The following NSD1 variants were observed in gnomAD, a reference collection of about 807,000 sequenced individuals.
NSD1 encodes histone-lysine N-methyltransferase, H3 lysine-36 specific.
Under a neutral mutation model 242.7 loss-of-function variants are expected in NSD1, and 26 were observed. The observed-to-expected ratio is 0.11, with a 90% CI of 0.08 to 0.15. The LOEUF (loss-of-function observed/expected upper bound fraction) is 0.15. Ranked by LOEUF, NSD1 falls within the 10% of genes least tolerant of loss-of-function variation. NSD1 has a pLI of 1.00. For synonymous variants in NSD1, 1,106 were observed against 1,178.1 expected, an observed-to-expected ratio of 0.94 and a Z score of 1.25; for missense variants, 2,495 against 3,272.8, an observed-to-expected ratio of 0.76 and a Z score of 5.80.
Position 177,269,902 on chromosome 5 carries a change from C to A in NSD1, c.5509+95C>A. On this transcript the variant is annotated intron_variant, in intron 16 of 22. Coordinates refer to ENST00000439151, the MANE Select transcript of NSD1 (RefSeq NM_022455.5). The surrounding 1 kb of genome is among the most constrained non-coding windows in gnomAD (Gnocchi z 5.1). ...AATTCACATATGCTCCATTTTGAAA[C>A]TGCCTTTGTCCTCTCAGGGCATTAT... The A allele has an allele frequency of 9.1e-7, 1 of 1,093,312 alleles. No individual in the cohort carries two copies. The highest frequency in any genetic ancestry group is 1.3e-6 in the Non-Finnish European group (1 of 754,998). 67.7% of individuals were successfully genotyped at this position (1,093,312 alleles called of 1,614,324 possible).
At chr5:177,159,593 ATTT>A (rs61064789) in intron 2 of NSD1, among the ~76,000 whole-genome samples, 5 of 118,564 alleles carry the variant, frequency 4.2e-5, no homozygotes, top group East Asian at 2.5e-4. Context: ...CTAAGTCTGA[ATTT>A]TTTTTTTTTT....
intron 2 of NSD1, among the ~76,000 whole-genome samples, chr5:177,141,582 A>G (rs1756829251): frequency 6.6e-6 from 1 of 151,686 alleles, no homozygotes; most frequent in African/African-American, 2.4e-5. Flanking sequence ...CACCTGCTTC[A>G]GTCTTTCAAA....
chr5:177,174,547 C>T (rs1301172247), intron 2 of NSD1, among the ~76,000 whole-genome samples: 2 of 151,254 alleles, frequency 1.3e-5, no homozygotes, highest in Non-Finnish European at 2.9e-5. Flanking sequence ...CACCATTGCC[C>T]AAAATACTTA....
At chr5:177,260,338 A>AATTTTT (rs1756890507) in intron 14 of NSD1, among the ~76,000 whole-genome samples, 170 bp downstream of exon 14, 1 of 124,056 alleles carries the variant, frequency 8.1e-6, no homozygotes, top group African/African-American at 2.9e-5. Flanking sequence ...ACATAGCAGA[A>AATTTTT]CTTTTTTTTT....
intron 17 of NSD1, among the ~76,000 whole-genome samples, chr5:177,275,348 A>G (rs1397983678): frequency 6.7e-6 from 1 of 149,202 alleles, no homozygotes; most frequent in African/African-American, 2.5e-5. Context: ...ACAATGCAGT[A>G]CTTTGGGTAA....
chr5:177,208,942 C>G (rs906351068), intron 4 of NSD1, among the ~76,000 whole-genome samples: 5 of 151,948 alleles, frequency 3.3e-5, no homozygotes, highest in Non-Finnish European at 5.9e-5. Context: ...GTGATTCGTC[C>G]TCCTCAGCCT....
At chr5:177,264,027 A>ATTTTT (rs1385345106) in intron 14 of NSD1, among the ~76,000 whole-genome samples, 1 of 72,050 alleles carries the variant, frequency 1.4e-5, no homozygotes, top group African/African-American at 5.3e-5. Flanking sequence ...TCAATGAACC[A>ATTTTT]ATTTTTTTTT....
intron 2 of NSD1, among the ~76,000 whole-genome samples, chr5:177,168,509 G>T (rs907777579): frequency 2.7e-5 from 4 of 150,658 alleles, no homozygotes; most frequent in African/African-American, 9.8e-5. Flanking sequence ...GCCCAGGCTG[G>T]AGTGCAATGG....
Position 177,210,694 on chromosome 5 carries a change from C to T in NSD1, c.2295C>T (p.Asn765=), listed in dbSNP as rs146767413. 557 of 1,614,172 alleles carry T rather than the reference C, an allele frequency of 3.5e-4. 2 individuals carry two copies. In the African/African-American group the frequency reaches 6.4e-3, roughly 19 times the overall value. ...TGTCATCAAGCATATCCAGTGAGAACTCGTTAATAAAGGGTGGGGCAGCAA... is the reference window on the plus strand; with the variant it reads ...TGTCATCAAGCATATCCAGTGAGAATTCGTTAATAAAGGGTGGGGCAGCAA... ...FNLSSSISSE[N]SLIKGGAANQ... Residue 765 remains asparagine, a synonymous_variant, in exon 5 of 23, where the codon AAC becomes AAT. Transcript: ENST00000439151.
intron 5 of NSD1, among the ~76,000 whole-genome samples, chr5:177,221,704 T>C (rs1024282377): frequency 3.9e-5 from 6 of 151,976 alleles, no homozygotes; most frequent in Admixed American, 6.6e-5. Flanking sequence ...CTCCTGACCT[T>C]ATGATCCGTC....
intron 2 of NSD1, among the ~76,000 whole-genome samples, chr5:177,187,404 C>T (rs940112672): frequency 6.6e-6 from 1 of 152,118 alleles, no homozygotes; most frequent in African/African-American, 2.4e-5. Context: ...CGCACCCAGC[C>T]TGTGACTTAA....
At chr5:177,158,867 C>T (rs1042754327) in intron 2 of NSD1, among the ~76,000 whole-genome samples, 4 of 145,952 alleles carry the variant, frequency 2.7e-5, no homozygotes, top group African/African-American at 1.0e-4. Flanking sequence ...AATTATTTTG[C>T]ACCAACTTAA....
chr5:177,146,109 C>T (rs1433612323), intron 2 of NSD1, among the ~76,000 whole-genome samples: 1 of 150,560 alleles, frequency 6.6e-6, no homozygotes, highest in Non-Finnish European at 1.5e-5. Flanking sequence ...AGAGAGGTCC[C>T]TTGTATATTT....
chr5:177,145,604 A>G (rs1403209653), intron 2 of NSD1, among the ~76,000 whole-genome samples: 1 of 152,092 alleles, frequency 6.6e-6, no homozygotes, highest in African/African-American at 2.4e-5. Flanking sequence ...GTTGATTCAC[A>G]TGCAGTTGTA....
chr5:177,248,004 C>T, intron 10 of NSD1, 177 bp from the exon 11 acceptor site: 1 of 985,456 alleles, frequency 1.0e-6, no homozygotes, highest in Non-Finnish European at 1.2e-6. Context: ...GCATGAGGCG[C>T]CCACTACCCG....
chr5:177,162,645 G>A lies in NSD1; in HGVS notation c.927+26615G>A, dbSNP rs142998025. Among the ~76,000 whole-genome samples, 376 of 152,238 alleles carry A rather than the reference G, an allele frequency of 2.5e-3. 2 individuals are homozygous for A. Among genetic ancestry groups the A allele is most frequent in the African/African-American group, 8.7e-3 (361 of 41,552 alleles). On this transcript the variant is annotated intron_variant, in intron 2 of 22. Transcript: ENST00000439151. ...GATCCGCCCACCTTGGCCTCCCAAAGTGCTGGGATTACAGGCATGAGTTAC... is the reference window on the plus strand; with the variant it reads ...GATCCGCCCACCTTGGCCTCCCAAAATGCTGGGATTACAGGCATGAGTTAC...
intron 2 of NSD1, among the ~76,000 whole-genome samples, chr5:177,172,096 G>GT (rs1759760363): frequency 6.6e-6 from 1 of 152,188 alleles, no homozygotes; most frequent in Non-Finnish European, 1.5e-5. Flanking sequence ...GCTTGTGATA[G>GT]TTTTTCCCCT....
intron 3 of NSD1, among the ~76,000 whole-genome samples, chr5:177,202,955 C>G (rs911531229): frequency 1.2e-4 from 18 of 152,090 alleles, no homozygotes; most frequent in African/African-American, 4.1e-4. Flanking sequence ...CTTTTGAAAC[C>G]AGCATTTACA....
At position 177,239,835 on chromosome 5, in the gene NSD1, C is replaced by A; in HGVS notation, c.4272C>A (p.Pro1424=). The change falls in exon 8 of 23, where the codon CCC becomes CCA. Residue 1424 remains proline (P), a synonymous_variant. Coordinates refer to ENST00000439151, the MANE Select transcript of NSD1 (RefSeq NM_022455.5). The part of the protein sequence containing the change: ...ESNDLDPGFM[P]KKGDLGLSKK... ...ATGATTTAGACCCTGGATTTATGCCCAAGAAGGGGGACCTTGGCCTTTCTA... is the reference window on the plus strand; with the variant it reads ...ATGATTTAGACCCTGGATTTATGCCAAAGAAGGGGGACCTTGGCCTTTCTA... 6.2e-7 allele frequency: 1 copy of A among 1,611,266 alleles called. No homozygotes were observed. The highest frequency in any genetic ancestry group is 1.1e-5 in the South Asian group (1 of 90,934).
Sources: gnomAD v4.1 joint callset for allele counts (sites outside exome capture counted in the v4.1 genomes callset) on GRCh38, gnomAD v4.1.1 for gene constraint, Gnocchi (gnomAD v3.1) non-coding constraint, MANE v1.5 for transcripts, NCBI Gene and HGNC (gene_info 2026-07-23, HGNC 2026-07-21) for gene names.